TMEM38B: variants seen among roughly 807,000 people sequenced by gnomAD.
The protein encoded by TMEM38B is trimeric intracellular cation channel type B.
TMEM38B carries 24 observed loss-of-function variants against 28.7 expected under a neutral mutation model. The ratio of observed to expected loss-of-function variants is 0.84; its 90% confidence interval spans 0.61 to 1.18. The LOEUF is 1.18. TMEM38B is among the 50% of genes most tolerant of loss of function. The pLI is 0.00. For synonymous variants in TMEM38B, 131 were observed against 127.7 expected, an observed-to-expected ratio of 1.03 and a Z score of -0.17; for missense variants, 380 against 350.9, an observed-to-expected ratio of 1.08 and a Z score of -0.66.
At chr9:105,700,337 AT>A (rs1325364538) in intron 1 of TMEM38B, among the ~76,000 whole-genome samples, 9 of 152,308 alleles carry the variant, frequency 5.9e-5, no homozygotes, top group East Asian at 5.8e-4. Context: ...GCCATCATTG[AT>A]TTTAGATACT....
Position 105,705,532 on chromosome 9 carries a change from G to A in TMEM38B, c.113-65G>A, listed in dbSNP as rs911009738. Reference sequence around the variant, plus strand: ...GAAGTTTATTTGTTTAGTGCAACTTGTACTTTGGGGCTTGTTTAATAAATG... The same window carrying A: ...GAAGTTTATTTGTTTAGTGCAACTTATACTTTGGGGCTTGTTTAATAAATG... On this transcript the variant is annotated intron_variant, in intron 1 of 5. Coordinates refer to ENST00000374692, the MANE Select transcript of TMEM38B (RefSeq NM_018112.3). The A allele has an allele frequency of 2.9e-5, 42 of 1,463,206 alleles. 1 individual carries two copies. In the Admixed American group the frequency reaches 8.1e-4, roughly 28 times the overall value. The allele number at this position is 1,463,206 out of a possible 1,614,324, so 90.6% of individuals were successfully genotyped here.
intron 4 of TMEM38B, among the ~76,000 whole-genome samples, chr9:105,747,344 A>G (rs1743113097): frequency 6.6e-6 from 1 of 151,890 alleles, no homozygotes; most frequent in Non-Finnish European, 1.5e-5. Flanking sequence ...TTTCTTCTAG[A>G]TTTTCTAGTT....
At chr9:105,737,634 G>A (rs1284102084) in intron 4 of TMEM38B, among the ~76,000 whole-genome samples, 7 of 152,268 alleles carry the variant, frequency 4.6e-5, no homozygotes, top group Admixed American at 1.3e-4. Context: ...TGTTGCATCC[G>A]TTCCACCTGG....
chr9:105,705,584 T>A lies in TMEM38B; in HGVS notation c.113-13T>A, dbSNP rs748249334. The A allele has an allele frequency of 6.2e-7, 1 of 1,609,384 alleles. No homozygotes were observed. The highest frequency in any genetic ancestry group is 1.1e-5 in the South Asian group (1 of 90,454). On this transcript the variant is annotated splice_polypyrimidine_tract_variant and intron_variant, in intron 1 of 5. Transcript: ENST00000374692. ...ATAATGATCACAGACCATATTTTACTTTACCATTTCAGGAGCAGCTGCATT... is the reference window on the plus strand; with the variant it reads ...ATAATGATCACAGACCATATTTTACATTACCATTTCAGGAGCAGCTGCATT...
chr9:105,764,332 C>A (rs1163253016), intron 5 of TMEM38B, among the ~76,000 whole-genome samples: 1 of 152,000 alleles, frequency 6.6e-6, no homozygotes, highest in Admixed American at 6.6e-5. Flanking sequence ...TCTAGAAAAC[C>A]CCATTGTCTC....
rs1328863092 is a variant in TMEM38B at position 105,774,001 on chromosome 9, G to T, written c.797G>T (p.Gly266Val). The T allele has an allele frequency of 6.2e-7, 1 of 1,613,784 alleles. No individual in the cohort carries two copies. The highest frequency in any genetic ancestry group is 2.2e-5 in the East Asian group (1 of 44,880). The change falls in exon 6 of 6, where the codon GGC (glycine) becomes GTC (valine). Residue 266 changes from glycine to valine, a missense_variant. Coordinates refer to ENST00000374692, the MANE Select transcript of TMEM38B (RefSeq NM_018112.3). ...KKSEAKSPSNGVGSLASKPVD... is the reference protein window; with the variant it reads ...KKSEAKSPSNVVGSLASKPVD... Reference sequence around the variant, plus strand: ...AGTGAAGCAAAGTCACCTTCCAATGGCGTTGGGTCATTGGCCTCAAAGCCG... The same window carrying T: ...AGTGAAGCAAAGTCACCTTCCAATGTCGTTGGGTCATTGGCCTCAAAGCCG...
In TMEM38B at chr9:105,761,436, G is replaced by A. The variant is rs1235272333; in HGVS notation, c.661-12429G>A. 2.0e-5 allele frequency among the ~76,000 whole-genome samples: 3 copies of A among 152,070 alleles called. No individual in the cohort carries two copies. The East Asian group carries it at 5.8e-4, about 29-fold the overall frequency. On this transcript the variant is annotated intron_variant, in intron 5 of 5. Transcript: ENST00000374692. ...GATGGGGACGTAAAAGAAGTATAAGGCAATCATATATTCATTTAAAAGATA... is the reference window on the plus strand; with the variant it reads ...GATGGGGACGTAAAAGAAGTATAAGACAATCATATATTCATTTAAAAGATA...
intron 2 of TMEM38B, chr9:105,710,427 G>A (rs192626634): frequency 7.3e-6 from 9 of 1,232,434 alleles, no homozygotes; most frequent in African/African-American, 4.5e-5. Context: ...CTTCTAGGAC[G>A]TCTGTATCTG....
intron 5 of TMEM38B, among the ~76,000 whole-genome samples, chr9:105,763,992 C>A (rs1838165017): frequency 6.6e-6 from 1 of 150,928 alleles, no homozygotes; most frequent in African/African-American, 2.4e-5. Context: ...ACATGATTAT[C>A]TCAATAGATG....
intron 5 of TMEM38B, among the ~76,000 whole-genome samples, chr9:105,767,280 A>G (rs1030983909): frequency 6.6e-6 from 1 of 151,914 alleles, no homozygotes; most frequent in African/African-American, 2.4e-5. Flanking sequence ...CTATTTCTAG[A>G]CTATATTCTG....
rs542463582 is a variant in TMEM38B, at chr9:105,775,625, C to G, written c.*1545C>G. 1 of 151,914 alleles carries G rather than the reference C, an allele frequency of 6.6e-6. No homozygotes were observed. The highest frequency in any genetic ancestry group is 1.5e-5 in the Non-Finnish European group (1 of 67,974). The allele number at this position is 151,914 out of a possible 1,614,324, so 9.4% of individuals were successfully genotyped here. On this transcript the variant is annotated 3_prime_UTR_variant, in exon 6 of 6. Coordinates refer to ENST00000374692, the MANE Select transcript of TMEM38B (RefSeq NM_018112.3). ...AGAAGTTTTATTTTTAATATTGTGA[C>G]AGAAAGCTTTAAGTATTTAAGAGCT...
At chr9:105,745,413 C>T (rs543377436) in intron 4 of TMEM38B, among the ~76,000 whole-genome samples, 1,908 of 152,148 alleles carry the variant, frequency 0.013, 42 homozygotes, top group African/African-American at 0.043. Context: ...TCGTATCCTT[C>T]GCTCACTTGT....
intron 2 of TMEM38B, among the ~76,000 whole-genome samples, chr9:105,715,536 T>C (rs1048223903): frequency 6.6e-6 from 1 of 152,102 alleles, no homozygotes; most frequent in Non-Finnish European, 1.5e-5. Flanking sequence ...ATATTGGCTC[T>C]TCTTTGCCTT....
At chr9:105,717,440 G>A (rs1369422669) in intron 2 of TMEM38B, among the ~76,000 whole-genome samples, 2 of 152,128 alleles carry the variant, frequency 1.3e-5, no homozygotes, top group Admixed American at 6.5e-5. Context: ...ATTTATAATA[G>A]GGAAAACTGG....
intron 5 of TMEM38B, chr9:105,760,729 C>G: frequency 8.1e-7 from 1 of 1,238,894 alleles, no homozygotes; most frequent in South Asian, 1.3e-5. Context: ...TTTAAGAAAA[C>G]CAAAGTTTTG....
At chr9:105,714,546 A>G (rs547118735) in intron 2 of TMEM38B, among the ~76,000 whole-genome samples, 1 of 152,356 alleles carries the variant, frequency 6.6e-6, no homozygotes, top group South Asian at 2.1e-4. Flanking sequence ...AGTTTTCAGT[A>G]TAATGAACTG....
At position 105,748,157 on chromosome 9, in the gene TMEM38B, G is replaced by T. The variant is rs201314077; in HGVS notation, c.627G>T (p.Met209Ile). The T allele has an allele frequency of 1.9e-6, 3 of 1,613,128 alleles. No homozygotes were observed. In the East Asian group the frequency reaches 6.7e-5, roughly 36 times the overall value. The change falls in exon 5 of 6, where the codon ATG becomes ATT. Residue 209 changes from methionine to isoleucine, a missense_variant. Physicochemically the swap from Met to Ile is conservative, Grantham distance 10. Coordinates refer to ENST00000374692, the MANE Select transcript of TMEM38B (RefSeq NM_018112.3). Reference sequence around the variant, plus strand: ...TGGCAATATCAAAGCATAATCTTATGTTCCTTTATACCATCTTTATTGTGG... The same window carrying T: ...TGGCAATATCAAAGCATAATCTTATTTTCCTTTATACCATCTTTATTGTGG... ...QHLAISKHNL[M>I]FLYTIFIVAT...
chr9:105,773,553 C>T (rs1250975079), intron 5 of TMEM38B, among the ~76,000 whole-genome samples: 3 of 152,184 alleles, frequency 2.0e-5, no homozygotes, highest in Admixed American at 2.0e-4. Flanking sequence ...CGTTCTGACA[C>T]ATGTTAAATG....
chr9:105,709,989 A>G (rs749369221), intron 2 of TMEM38B, among the ~76,000 whole-genome samples: 1 of 152,230 alleles, frequency 6.6e-6, no homozygotes, highest in Non-Finnish European at 1.5e-5. Context: ...CCATGAATCA[A>G]TATACGCTTA....
Sources: allele counts gnomAD v4.1 joint callset (sites outside exome capture counted in the v4.1 genomes callset), GRCh38; gene constraint gnomAD v4.1.1; transcripts MANE v1.5; gene names NCBI Gene and HGNC (gene_info 2026-07-23, HGNC 2026-07-21).